Variants in RARS2 observed in about 807,000 individuals in gnomAD.
RARS2 encodes the protein probable arginine--tRNA ligase, mitochondrial.
A neutral mutation model predicts 88.5 loss-of-function variants in RARS2; 67 were observed. The ratio of observed to expected loss-of-function variants is 0.76; its 90% CI spans 0.62 to 0.93. The LOEUF is 0.93. RARS2 is among the 40% of genes least tolerant of loss of function. The pLI is 0.00. For missense variants in RARS2, 664 were observed against 684.2 expected (o/e 0.97, Z 0.33); for synonymous variants, 239 against 230.3 (o/e 1.04, Z -0.34).
chr6:87,543,868 G>A (rs1781810048), intron 7 of RARS2, among the ~76,000 whole-genome samples: 1 of 152,140 alleles, frequency 6.6e-6, no homozygotes. Context: ...AGGGTGGTTG[G>A]AGCAGTGTGT....
At chr6:87,531,925 A>G (rs768607323) in intron 8 of RARS2, among the ~76,000 whole-genome samples, 10 of 152,378 alleles carry the variant, frequency 6.6e-5, no homozygotes, top group Non-Finnish European at 1.3e-4. Flanking sequence ...AAGCTATTAA[A>G]GTCTCATGAA....
rs1240179775 is a variant in RARS2 at position 87,519,654 on chromosome 6, TCTC to T, written c.1163_1165del (p.Gly388del). Reference sequence around the variant, plus strand: ...TAAAACATCTTCCAGGAAAGTGACATCTCCTCTTCGAGTCTTCATTCCCTGTAC... The same window carrying T: ...TAAAACATCTTCCAGGAAAGTGACATCTCTTCGAGTCTTCATTCCCTGTAC... On this transcript the variant is annotated inframe_deletion, in exon 14 of 20. Coordinates refer to ENST00000369536, the MANE Select transcript of RARS2 (RefSeq NM_020320.5). 3.1e-6 allele frequency: 5 copies of T among 1,613,048 alleles called. No individual in the cohort carries two copies. The African/African-American group carries it at 5.3e-5, about 17-fold the overall frequency.
intron 10 of RARS2, among the ~76,000 whole-genome samples, chr6:87,527,746 A>G (rs1776218042): frequency 2.0e-5 from 3 of 152,068 alleles, no homozygotes; most frequent in Admixed American, 2.0e-4. Context: ...CACCACCACT[A>G]CCAAAAAAAA....
chr6:87,578,344 TG>T (rs1398351329), intron 1 of RARS2, among the ~76,000 whole-genome samples: 24 of 152,250 alleles, frequency 1.6e-4, no homozygotes, highest in African/African-American at 5.5e-4. Context: ...TTTTTCTGCC[TG>T]TATATCTGCA....
In RARS2 at chr6:87,562,757, AT is replaced by A; in HGVS notation, c.241del (p.Ile81SerfsTer8). The A allele has an allele frequency of 1.2e-6, 2 of 1,613,690 alleles. No homozygotes were observed. Among genetic ancestry groups the A allele is most frequent in the Non-Finnish European group, 1.7e-6 (2 of 1,179,630 alleles). On this transcript the variant is annotated frameshift_variant, in exon 4 of 20. Transcript: ENST00000369536. LOFTEE classifies it high-confidence loss of function. ...KLRCDTVVSEISTGQRTVNFK... is the reference protein window; with the variant it reads ...KLRCDTVVSEXSTGQRTVNFK... Reference sequence around the variant, plus strand: ...ATTTACAGTCCTTTGACCAGTACTGATTTCACTCACCACTGTATCACATCTT... The same window carrying A: ...ATTTACAGTCCTTTGACCAGTACTGATTCACTCACCACTGTATCACATCTT...
At chr6:87,546,885 T>A (rs966529427) in intron 6 of RARS2, among the ~76,000 whole-genome samples, 2 of 152,188 alleles carry the variant, frequency 1.3e-5, no homozygotes, top group African/African-American at 4.8e-5. Flanking sequence ...AACCTGTTTT[T>A]CCAGCTGGCA....
At chr6:87,581,797 C>A (rs540723015) in intron 1 of RARS2, among the ~76,000 whole-genome samples, 1 of 152,238 alleles carries the variant, frequency 6.6e-6, no homozygotes, top group African/African-American at 2.4e-5. Context: ...CTTCCCCTCC[C>A]CATGGCCATG....
In RARS2 at chr6:87,554,305, C is replaced by G. The variant is rs542717718; in HGVS notation, c.395+1103G>C. ...CCTTTTCTCTCTTGGTTACCTCTAA[C>G]AGTCCAAATATCAGACAGTTATACT... On this transcript the variant is annotated intron_variant, in intron 5 of 19. Coordinates refer to ENST00000369536, the MANE Select transcript of RARS2 (RefSeq NM_020320.5). 2.6e-5 allele frequency among the ~76,000 whole-genome samples: 4 copies of G among 152,220 alleles called. No homozygotes were observed. In the East Asian group the frequency reaches 7.7e-4, roughly 29 times the overall value.
intron 11 of RARS2, among the ~76,000 whole-genome samples, chr6:87,522,040 C>T (rs1333629227): frequency 6.6e-6 from 1 of 152,018 alleles, no homozygotes; most frequent in African/African-American, 2.4e-5. Flanking sequence ...TTTAAAAGAC[C>T]ATAAAGTCGG....
intron 5 of RARS2, among the ~76,000 whole-genome samples, chr6:87,551,405 C>T (rs2128134018): frequency 6.6e-6 from 1 of 152,002 alleles, no homozygotes; most frequent in South Asian, 2.1e-4. Context: ...CTGGGTGGAT[C>T]ACTTGAAGTC....
In RARS2 at chr6:87,554,245, C is replaced by T. The variant is rs138259139; in HGVS notation, c.395+1163G>A. ...TAATTTCCTAGGGTTGTCAATCTGT[C>T]GGCTGTACAATGAAAGTATTAGTTC... On this transcript the variant is annotated intron_variant, in intron 5 of 19. Transcript: ENST00000369536. Among the ~76,000 whole-genome samples, 39 of 152,212 alleles carry T rather than the reference C, an allele frequency of 2.6e-4. 1 individual carries two copies. Among genetic ancestry groups the T allele is most frequent in the East Asian group, 1.5e-3 (8 of 5,178 alleles).
intron 1 of RARS2, among the ~76,000 whole-genome samples, chr6:87,586,526 A>T (rs989890880): frequency 6.6e-5 from 10 of 152,218 alleles, no homozygotes; most frequent in Non-Finnish European, 1.3e-4. Context: ...CTTCTAATAC[A>T]GTGATTACAG....
rs1297792718 is a variant in RARS2, at chr6:87,520,270, T to A, written c.1036-14A>T. On this transcript the variant is annotated splice_polypyrimidine_tract_variant and intron_variant, in intron 12 of 19. Transcript: ENST00000369536. ...TCCTTTATCTGTCTTGGGAAGAAAA[T>A]ATATATAAAATAAAAGAATACTGAC... 3.2e-6 allele frequency: 5 copies of A among 1,560,172 alleles called. No homozygotes were observed. Among genetic ancestry groups the A allele is most frequent in the Non-Finnish European group, 4.4e-6 (5 of 1,132,776 alleles).
intron 1 of RARS2, among the ~76,000 whole-genome samples, chr6:87,570,132 A>G (rs988678634): frequency 6.6e-6 from 1 of 152,176 alleles, no homozygotes; most frequent in Non-Finnish European, 1.5e-5. Flanking sequence ...CGTCCCTATC[A>G]AAGGCTTAAT....
intron 5 of RARS2, among the ~76,000 whole-genome samples, chr6:87,553,460 A>G (rs1253686919): frequency 6.6e-6 from 1 of 152,190 alleles, no homozygotes; most frequent in Non-Finnish European, 1.5e-5. Flanking sequence ...AAATATTTTA[A>G]TAGGCTTTTG....
intron 4 of RARS2, among the ~76,000 whole-genome samples, chr6:87,557,445 T>C (rs1786330778): frequency 6.6e-6 from 1 of 152,224 alleles, no homozygotes; most frequent in Admixed American, 6.5e-5. Context: ...TTCCCACTTC[T>C]TCTCCTTTTT....
chr6:87,532,408 T>C (rs1777813654), intron 8 of RARS2, among the ~76,000 whole-genome samples: 2 of 152,338 alleles, frequency 1.3e-5, no homozygotes, highest in South Asian at 4.1e-4. Context: ...AGGCTGAACT[T>C]CTGCTTTCCT....
chr6:87,523,945 T>C (rs1486650175), intron 11 of RARS2, among the ~76,000 whole-genome samples: 2 of 152,164 alleles, frequency 1.3e-5, no homozygotes, highest in African/African-American at 4.8e-5. Flanking sequence ...CGAAAAGTAA[T>C]AGAAGGTAAG....
chr6:87,550,425 G>A (rs979929713), intron 5 of RARS2, among the ~76,000 whole-genome samples: 3 of 151,806 alleles, frequency 2.0e-5, no homozygotes, highest in Non-Finnish European at 4.4e-5. Flanking sequence ...TTAGAAAAAA[G>A]GTTTTAAATC....
Sources: gnomAD v4.1 joint callset for allele counts (sites outside exome capture counted in the v4.1 genomes callset) on GRCh38, gnomAD v4.1.1 for gene constraint, MANE v1.5 for transcripts, NCBI Gene and HGNC (gene_info 2026-07-23, HGNC 2026-07-21) for gene names.